The following DYM variants were observed in gnomAD, a reference collection of about 807,000 sequenced individuals.
DYM encodes dyggve-Melchior-Clausen syndrome protein.
DYM carries 78 observed loss-of-function variants against 93.1 expected under a neutral mutation model. The observed-to-expected ratio is 0.84, with a 90% confidence interval of 0.70 to 1.01. The LOEUF is 1.01. Ranked by LOEUF, DYM falls within the 50% of genes least tolerant of loss-of-function variation. The pLI is 0.00. For synonymous variants in DYM, 321 were observed against 319.7 expected, an observed-to-expected ratio of 1.00 and a Z score of -0.04; for missense variants, 789 against 845.0, an observed-to-expected ratio of 0.93 and a Z score of 0.82.
chr18:49,325,872 A>C (rs2062840624), intron 8 of DYM, among the ~76,000 whole-genome samples: 1 of 152,178 alleles, frequency 6.6e-6, no homozygotes, highest in Non-Finnish European at 1.5e-5. Flanking sequence ...AACAGAAACC[A>C]AGGGAATACA....
chr18:49,299,320 A>C (rs2060754130), intron 8 of DYM, among the ~76,000 whole-genome samples: 1 of 152,238 alleles, frequency 6.6e-6, no homozygotes, highest in Admixed American at 6.5e-5. Flanking sequence ...GAACTAAGTA[A>C]ACTGGAATTC....
intron 11 of DYM, among the ~76,000 whole-genome samples, chr18:49,266,361 A>T (rs1447371901): frequency 6.6e-6 from 1 of 152,230 alleles, no homozygotes; most frequent in African/African-American, 2.4e-5. Flanking sequence ...CACACCTGTA[A>T]TCACAGCACT....
chr18:49,260,792 G>C (rs2094477216), intron 11 of DYM, among the ~76,000 whole-genome samples: 1 of 151,078 alleles, frequency 6.6e-6, no homozygotes, highest in African/African-American at 2.4e-5. Context: ...TGCATCTTGA[G>C]AAACTACCAC....
Position 49,190,990 on chromosome 18 carries a change from C to CAGT in DYM, c.1625+18558_1625+18560dup, listed in dbSNP as rs563384456. Among the ~76,000 whole-genome samples, 126 of 151,464 alleles carry CAGT rather than the reference C, an allele frequency of 8.3e-4. 3 individuals are homozygous for CAGT. The South Asian group carries it at 0.025, about 30-fold the overall frequency. On this transcript the variant is annotated intron_variant, in intron 14 of 17. Coordinates refer to ENST00000675505, the MANE Select transcript of DYM (RefSeq NM_001353214.3). Reference sequence around the variant, plus strand: ...TTTTTTAGGTAAGGCTTCTGGTCAACAGTAGGCTATTAGTAGTTAAGTTTT... The same window carrying CAGT: ...TTTTTTAGGTAAGGCTTCTGGTCAACAGTAGTAGGCTATTAGTAGTTAAGTTTT...
At chr18:49,289,786 TATAC>T (rs1458826464) in intron 8 of DYM, among the ~76,000 whole-genome samples, 10 of 64,926 alleles carry the variant, frequency 1.5e-4, no homozygotes, top group African/African-American at 6.3e-4. Context: ...CATATATATA[TATAC>T]ACACATATAT....
At chr18:49,388,318 G>C (rs757963070) in intron 3 of DYM, among the ~76,000 whole-genome samples, 8 of 151,868 alleles carry the variant, frequency 5.3e-5, no homozygotes, top group Non-Finnish European at 1.2e-4. Context: ...AACAGAGTGA[G>C]ACCCTGTCTC....
Position 49,430,390 on chromosome 18 carries a change from C to T in DYM, c.5G>A (p.Gly2Glu), listed in dbSNP as rs751943522. 1.3e-5 allele frequency: 21 copies of T among 1,613,420 alleles called. No homozygotes were observed. In the African/African-American group the frequency reaches 2.0e-4, roughly 15 times the overall value. The change falls in exon 2 of 18, where the codon GGA (glycine) becomes GAA (glutamate). Residue 2 changes from glycine (G) to glutamate (E), a missense_variant. Coordinates refer to ENST00000675505, the MANE Select transcript of DYM (RefSeq NM_001353214.3). M[G>E]SNSSRIGDLP... Reference sequence around the variant, plus strand: ...ATCGCCGATTCTGCTGCTATTCGATCCCATCTTCTAGCTTAAGCAGATAAT... The same window carrying T: ...ATCGCCGATTCTGCTGCTATTCGATTCCATCTTCTAGCTTAAGCAGATAAT...
chr18:49,250,693 A>G, intron 13 of DYM, among the ~76,000 whole-genome samples: 1 of 152,244 alleles, frequency 6.6e-6, no homozygotes, highest in East Asian at 1.9e-4. Flanking sequence ...AAGACATGGA[A>G]TAAAGGGGTG....
At chr18:49,122,886 ATCTTT>A (rs1246965688) in intron 15 of DYM, among the ~76,000 whole-genome samples, 1 of 152,186 alleles carries the variant, frequency 6.6e-6, no homozygotes, top group Non-Finnish European at 1.5e-5. Flanking sequence ...AACTTGGATA[ATCTTT>A]TCTAATTATT....
At chr18:49,454,696 G>A (rs917754561) in intron 1 of DYM, among the ~76,000 whole-genome samples, 4 of 151,352 alleles carry the variant, frequency 2.6e-5, no homozygotes, top group Non-Finnish European at 4.4e-5. Flanking sequence ...TCAGGAGATC[G>A]AGACCATCCT....
intron 15 of DYM, among the ~76,000 whole-genome samples, chr18:49,122,082 A>T (rs1293322520): frequency 6.6e-6 from 1 of 152,224 alleles, no homozygotes; most frequent in East Asian, 1.9e-4. Context: ...CATGTAAAAT[A>T]TATCATAACA....
intron 8 of DYM, among the ~76,000 whole-genome samples, chr18:49,299,813 G>A (rs1295115722): frequency 6.6e-6 from 1 of 151,418 alleles, no homozygotes; most frequent in East Asian, 1.9e-4. Context: ...GGAGGCTGAG[G>A]AGGGCAGGTC....
chr18:49,234,136 C>CAAA (rs534259351), intron 13 of DYM, among the ~76,000 whole-genome samples: 22 of 149,666 alleles, frequency 1.5e-4, no homozygotes, highest in Non-Finnish European at 2.8e-4. Context: ...CTCAAAACAA[C>CAAA]AACAACAACA....
At chr18:49,115,474 A>G (rs901688991) in intron 16 of DYM, among the ~76,000 whole-genome samples, 13 of 152,210 alleles carry the variant, frequency 8.5e-5, no homozygotes, top group African/African-American at 2.9e-4. Flanking sequence ...ATCTTTAAAC[A>G]TTTTTTTAAA....
chr18:49,218,185 A>T (rs2143906245), intron 13 of DYM, among the ~76,000 whole-genome samples: 1 of 152,346 alleles, frequency 6.6e-6, no homozygotes, highest in East Asian at 1.9e-4. Flanking sequence ...TAAAGGGATC[A>T]ATTCAACAAG....
chr18:49,245,194 C>G (rs1017889801), intron 13 of DYM, among the ~76,000 whole-genome samples: 1 of 152,148 alleles, frequency 6.6e-6, no homozygotes, highest in African/African-American at 2.4e-5. Context: ...ATGTATGTCA[C>G]TTCGGGATTC....
chr18:49,139,443 G>A (rs1377632022), intron 15 of DYM, among the ~76,000 whole-genome samples: 1 of 152,098 alleles, frequency 6.6e-6, no homozygotes, highest in Non-Finnish European at 1.5e-5. Flanking sequence ...TTTAGAAGGA[G>A]CTTACTAAGT....
At chr18:49,148,356 C>T (rs189825872) in intron 15 of DYM, among the ~76,000 whole-genome samples, 2,031 of 132,730 alleles carry the variant, frequency 0.015, 22 homozygotes, top group South Asian at 0.046. Context: ...AAAAAAAGAA[C>T]AAAAAAAAAA....
At chr18:49,431,007 T>C (rs1396377848) in intron 1 of DYM, among the ~76,000 whole-genome samples, 1 of 152,140 alleles carries the variant, frequency 6.6e-6, no homozygotes, top group East Asian at 1.9e-4. Flanking sequence ...CCCAAGAAAA[T>C]GTCTCAAAGC....
Sources: gnomAD v4.1 joint callset for allele counts (sites outside exome capture counted in the v4.1 genomes callset) on GRCh38, gnomAD v4.1.1 for gene constraint, MANE v1.5 for transcripts, NCBI Gene and HGNC (gene_info 2026-07-23, HGNC 2026-07-21) for gene names.